Variants in EEPD1 observed in about 807,000 individuals in gnomAD.
EEPD1 encodes the protein endonuclease/exonuclease/phosphatase family domain-containing protein 1.
EEPD1 carries 17 observed loss-of-function variants against 46.3 expected under a neutral mutation model. That is an observed-to-expected ratio of 0.37 (90% CI 0.25 to 0.55). EEPD1 has a LOEUF of 0.55. EEPD1 is among the 20% of genes least tolerant of loss of function. The pLI is 0.83. For synonymous variants in EEPD1, 313 were observed against 315.6 expected (o/e 0.99, Z 0.09); for missense variants, 673 against 745.6 (o/e 0.90, Z 1.13).
intron 3 of EEPD1, among the ~76,000 whole-genome samples, chr7:36,255,373 AAC>A (rs1335340169): frequency 1.3e-5 from 2 of 152,190 alleles, no homozygotes; most frequent in Non-Finnish European, 2.9e-5. Flanking sequence ...CAGTTTTTCC[AAC>A]ACCATTTATT....
intron 3 of EEPD1, among the ~76,000 whole-genome samples, chr7:36,240,616 G>T (rs977113208): frequency 1.4e-4 from 21 of 152,212 alleles, no homozygotes; most frequent in Non-Finnish European, 2.2e-4. Context: ...ACATCATCGG[G>T]CCAAATGGCA....
In EEPD1 at chr7:36,184,917, G is replaced by A. The variant is rs139677408; in HGVS notation, c.878+29715G>A. ...GGCTAATTTTTGGATTTTTAGTAGAGATAAGGTTTCACTGTGTTGGCCAGG... is the reference window on the plus strand; with the variant it reads ...GGCTAATTTTTGGATTTTTAGTAGAAATAAGGTTTCACTGTGTTGGCCAGG... On this transcript the variant is annotated intron_variant, in intron 2 of 7. Coordinates refer to ENST00000242108, the MANE Select transcript of EEPD1 (RefSeq NM_030636.3). Among the ~76,000 whole-genome samples, 700 of 152,198 alleles carry A rather than the reference G, an allele frequency of 4.6e-3. 5 individuals are homozygous for A. The highest frequency in any genetic ancestry group is 0.016 in the African/African-American group (661 of 41,520).
At chr7:36,160,327 G>A (rs956445729) in intron 2 of EEPD1, among the ~76,000 whole-genome samples, 2 of 152,228 alleles carry the variant, frequency 1.3e-5, no homozygotes, top group Admixed American at 6.5e-5. Context: ...TACAGATAGT[G>A]GTGCATGCTG....
chr7:36,205,199 C>G (rs547777964), intron 2 of EEPD1, among the ~76,000 whole-genome samples: 1 of 152,278 alleles, frequency 6.6e-6, no homozygotes, highest in African/African-American at 2.4e-5. Context: ...AAACAGGCAT[C>G]ACATTCCATG....
chr7:36,177,078 A>G (rs1785195019), intron 2 of EEPD1, among the ~76,000 whole-genome samples: 1 of 152,204 alleles, frequency 6.6e-6, no homozygotes, highest in Non-Finnish European at 1.5e-5. Flanking sequence ...GATGATTGAA[A>G]TGTTCTAAAA....
intron 4 of EEPD1, among the ~76,000 whole-genome samples, chr7:36,282,281 G>A (rs530610667): frequency 6.6e-6 from 1 of 152,322 alleles, no homozygotes; most frequent in African/African-American, 2.4e-5. Flanking sequence ...AGCTTCACAA[G>A]CCTTTTATAG....
chr7:36,205,237 G>C (rs1785790427), intron 2 of EEPD1, among the ~76,000 whole-genome samples: 1 of 152,218 alleles, frequency 6.6e-6, no homozygotes, highest in African/African-American at 2.4e-5. Context: ...GGAGGTTCTG[G>C]AGGTGGCAGT....
At chr7:36,272,167 A>G (rs138255138) in intron 3 of EEPD1, among the ~76,000 whole-genome samples, 76 of 149,802 alleles carry the variant, frequency 5.1e-4, no homozygotes, top group African/African-American at 1.8e-3. Flanking sequence ...ACAGGCATGA[A>G]CCACCACCCC....
At chr7:36,219,806 A>AGAGAGAGTGTGT (rs1341203087) in intron 2 of EEPD1, among the ~76,000 whole-genome samples, 4 of 75,438 alleles carry the variant, frequency 5.3e-5, no homozygotes, top group African/African-American at 1.4e-4. Context: ...AGAGAGAGAG[A>AGAGAGAGTGTGT]GTGTGTGTGT....
At chr7:36,269,693 T>C (rs1000047791) in intron 3 of EEPD1, among the ~76,000 whole-genome samples, 3 of 151,866 alleles carry the variant, frequency 2.0e-5, no homozygotes, top group Admixed American at 6.6e-5. Flanking sequence ...CCCAGGAGTT[T>C]AAGAGCAGCC....
At chr7:36,222,839 C>T (rs748331958) in intron 2 of EEPD1, among the ~76,000 whole-genome samples, 6 of 152,150 alleles carry the variant, frequency 3.9e-5, no homozygotes, top group Non-Finnish European at 7.3e-5. Flanking sequence ...AAAGGCCTCA[C>T]CTCCTAATGC....
chr7:36,300,326 T>G lies in EEPD1; in HGVS notation c.*1120T>G, dbSNP rs1787600404. ...GAGCCCAAGCCAGGAGGGATTTCCC[T>G]TAGGCAACACCATCCCAGGGAGATC... is the stretch of plus-strand genomic sequence containing the variant. On this transcript the variant is annotated 3_prime_UTR_variant, in exon 8 of 8. Coordinates refer to ENST00000242108, the MANE Select transcript of EEPD1 (RefSeq NM_030636.3). The G allele has an allele frequency of 6.6e-6, 1 of 152,250 alleles. No homozygotes were observed. The highest frequency in any genetic ancestry group is 1.5e-5 in the Non-Finnish European group (1 of 68,056). 9.4% of individuals were successfully genotyped at this position (152,250 alleles called of 1,614,324 possible).
In EEPD1 at chr7:36,154,992, C is replaced by A. The variant is rs774203788; in HGVS notation, c.668C>A (p.Ser223Tyr). The A allele has an allele frequency of 1.9e-6, 3 of 1,613,332 alleles. No homozygotes were observed. Among genetic ancestry groups the A allele is most frequent in the Non-Finnish European group, 2.5e-6 (3 of 1,179,558 alleles). The stretch of plus-strand genomic sequence containing the variant: ...GCCAAGCCTCACCCGAGCCCCACTT[C>A]CCTGAGCCTGCAGAGTGAGGACCTG... ...FTAKPHPSPT[S>Y]LSLQSEDLDL... Residue 223 changes from serine (S) to tyrosine (Y), a missense_variant, in exon 2 of 8, where the codon TCC becomes TAC. Transcript: ENST00000242108. This position sits in a 1 kb window ranked among gnomAD's most constrained non-coding sequence, Gnocchi z 4.2.
At chr7:36,215,046 A>G (rs1477354818) in intron 2 of EEPD1, among the ~76,000 whole-genome samples, 2 of 152,200 alleles carry the variant, frequency 1.3e-5, no homozygotes, top group African/African-American at 2.4e-5. Flanking sequence ...TAAATTGTAG[A>G]CTATGAGGGA....
intron 6 of EEPD1, among the ~76,000 whole-genome samples, chr7:36,293,490 TGA>T (rs1354352690): frequency 2.0e-5 from 3 of 152,184 alleles, no homozygotes; most frequent in African/African-American, 7.2e-5. Context: ...CTCCAATTTC[TGA>T]GAGTGGGACT....
chr7:36,189,624 A>T (rs563137881), intron 2 of EEPD1, among the ~76,000 whole-genome samples: 61 of 152,298 alleles, frequency 4.0e-4, no homozygotes, highest in African/African-American at 1.4e-3. Flanking sequence ...TGTAGGTGCT[A>T]TGGGGATAGA....
intron 3 of EEPD1, among the ~76,000 whole-genome samples, chr7:36,275,324 C>T (rs539051941): frequency 6.6e-6 from 1 of 152,322 alleles, no homozygotes; most frequent in South Asian, 2.1e-4. Context: ...ATAAATTGCT[C>T]ACAGAGTCCC....
At chr7:36,286,636 G>T (rs1787346332) in intron 5 of EEPD1, among the ~76,000 whole-genome samples, 1 of 152,156 alleles carries the variant, frequency 6.6e-6, no homozygotes, top group African/African-American at 2.4e-5. Flanking sequence ...CTTTTGGTTT[G>T]GACACGTTTG....
At chr7:36,208,244 G>A (rs770376657) in intron 2 of EEPD1, among the ~76,000 whole-genome samples, 50 of 152,306 alleles carry the variant, frequency 3.3e-4, no homozygotes, top group Non-Finnish European at 5.6e-4. Flanking sequence ...CAGAGGCACA[G>A]GCAGCCTGCT....
Sources: allele counts gnomAD v4.1 joint callset (sites outside exome capture counted in the v4.1 genomes callset), GRCh38; gene constraint gnomAD v4.1.1; non-coding constraint Gnocchi (gnomAD v3.1); transcripts MANE v1.5; gene names NCBI Gene and HGNC (gene_info 2026-07-23, HGNC 2026-07-21).